Variants in WWOX observed in about 807,000 individuals in gnomAD.
WWOX encodes the protein WW domain containing oxidoreductase.
In WWOX, 69 loss-of-function variants were observed where a neutral mutation model predicts 46.2. The ratio of observed to expected loss-of-function variants is 1.49; its 90% CI spans 1.23 to 1.82. The LOEUF (loss-of-function observed/expected upper bound fraction) is 1.82, where lower values mean the gene tolerates loss of function less well. Ranked by LOEUF, WWOX falls within the 40% of genes most tolerant of loss-of-function variation. The pLI, the probability that WWOX is intolerant of heterozygous loss-of-function variation, is 0.00. For synonymous variants in WWOX, 359 were observed against 202.6 expected, an observed-to-expected ratio of 1.77 and a Z score of -6.56; for missense variants, 919 against 542.6, an observed-to-expected ratio of 1.69 and a Z score of -6.89.
intron 8 of WWOX, among the ~76,000 whole-genome samples, chr16:78,959,451 A>G (rs2046231468): frequency 6.6e-6 from 1 of 152,236 alleles, no homozygotes; most frequent in Non-Finnish European, 1.5e-5. Flanking sequence ...TAATTCAGGT[A>G]TGATAATAAA....
At chr16:78,701,579 C>G (rs1260711303) in intron 8 of WWOX, among the ~76,000 whole-genome samples, 1 of 152,062 alleles carries the variant, frequency 6.6e-6, no homozygotes, top group African/African-American at 2.4e-5. Flanking sequence ...CCGATATACT[C>G]AACATATATC....
chr16:78,829,379 G>A lies in WWOX; in HGVS notation c.1057-382229G>A, dbSNP rs999700224. 7.9e-5 allele frequency among the ~76,000 whole-genome samples: 12 copies of A among 152,140 alleles called. No homozygotes were observed. The East Asian group carries it at 1.9e-3, about 25-fold the overall frequency. On this transcript the variant is annotated intron_variant, in intron 8 of 8. Coordinates refer to ENST00000566780, the MANE Select transcript of WWOX (RefSeq NM_016373.4). ...TCTTACTCAGACTTTTGTTTTATTC[G>A]GGCCTTCAACAGATTAGATGAGATC... is the stretch of plus-strand genomic sequence containing the variant.
chr16:78,418,823 C>A (rs968338960), intron 6 of WWOX, among the ~76,000 whole-genome samples: 1 of 151,986 alleles, frequency 6.6e-6, no homozygotes, highest in Non-Finnish European at 1.5e-5. Context: ...TGCAAAAAAC[C>A]CACAAATGAC....
At chr16:78,880,053 A>G (rs1037755241) in intron 8 of WWOX, among the ~76,000 whole-genome samples, 1 of 152,254 alleles carries the variant, frequency 6.6e-6, no homozygotes, top group Non-Finnish European at 1.5e-5. Flanking sequence ...GAGTGAAAAC[A>G]GAGACATGAT....
chr16:78,513,767 A>C (rs1484546663), intron 8 of WWOX, among the ~76,000 whole-genome samples: 1 of 152,190 alleles, frequency 6.6e-6, no homozygotes, highest in Non-Finnish European at 1.5e-5. Flanking sequence ...AGGGGAGCGA[A>C]TAGTATTTTC....
intron 8 of WWOX, among the ~76,000 whole-genome samples, chr16:78,774,718 C>T (rs1256862339): frequency 6.6e-6 from 1 of 151,916 alleles, no homozygotes; most frequent in East Asian, 1.9e-4. Flanking sequence ...CATGTCCCCA[C>T]CCAACACACA....
At chr16:78,658,576 C>G (rs1005995835) in intron 8 of WWOX, among the ~76,000 whole-genome samples, 4 of 152,302 alleles carry the variant, frequency 2.6e-5, no homozygotes, top group South Asian at 2.1e-4. Flanking sequence ...CCGTGCCTCT[C>G]CTCCAGCCTC....
intron 8 of WWOX, among the ~76,000 whole-genome samples, chr16:78,815,914 C>T (rs577211376): frequency 1.1e-3 from 163 of 152,234 alleles, no homozygotes; most frequent in South Asian, 6.4e-3. Context: ...GAGGTTCTCT[C>T]CCCAACCCAT....
chr16:78,204,289 T>C (rs1174810113), intron 5 of WWOX, among the ~76,000 whole-genome samples: 2 of 152,210 alleles, frequency 1.3e-5, no homozygotes, highest in Non-Finnish European at 2.9e-5. Flanking sequence ...TATGGGTACA[T>C]AGTAGGTGCT....
At chr16:78,570,706 A>G (rs1286418734) in intron 8 of WWOX, among the ~76,000 whole-genome samples, 2 of 152,228 alleles carry the variant, frequency 1.3e-5, no homozygotes, top group Non-Finnish European at 2.9e-5. Flanking sequence ...CCAGGTTTAC[A>G]GAGTGTGCAT....
chr16:78,931,538 G>A lies in WWOX; in HGVS notation c.1057-280070G>A, dbSNP rs1399245835. On this transcript the variant is annotated intron_variant, in intron 8 of 8. Coordinates refer to ENST00000566780, the MANE Select transcript of WWOX (RefSeq NM_016373.4). The stretch of plus-strand genomic sequence containing the variant: ...CTGGGCATGTGCTTGAAGGAGAAAG[G>A]TGAGGATACAAAGGCAATGAGTACA... Among the ~76,000 whole-genome samples, 4 of 152,192 alleles carry A rather than the reference G, an allele frequency of 2.6e-5. No homozygotes were observed. In the East Asian group the frequency reaches 7.7e-4, roughly 29 times the overall value.
chr16:78,213,419 G>A (rs555332559), intron 5 of WWOX, among the ~76,000 whole-genome samples: 2 of 151,814 alleles, frequency 1.3e-5, no homozygotes, highest in Admixed American at 6.6e-5. Context: ...ATTGGTGAAA[G>A]CAAGGCAATG....
At chr16:78,743,313 A>G (rs549150352) in intron 8 of WWOX, among the ~76,000 whole-genome samples, 3 of 152,162 alleles carry the variant, frequency 2.0e-5, no homozygotes, top group African/African-American at 4.8e-5. Context: ...TTGCCAATCT[A>G]GAAAGAAGAC....
At chr16:78,290,080 T>A (rs9934482) in intron 5 of WWOX, among the ~76,000 whole-genome samples, 39,411 of 152,086 alleles carry the variant, frequency 0.26, 5,896 homozygotes, top group African/African-American at 0.38. Context: ...GATTTATATA[T>A]CCCTCTGCAT....
chr16:78,356,502 A>G (rs1224159938), intron 5 of WWOX, among the ~76,000 whole-genome samples: 1 of 152,154 alleles, frequency 6.6e-6, no homozygotes, highest in Non-Finnish European at 1.5e-5. Flanking sequence ...CGCCTACCCT[A>G]GACCTCATCT....
intron 8 of WWOX, among the ~76,000 whole-genome samples, chr16:79,062,871 T>A: frequency 6.6e-6 from 1 of 152,196 alleles, no homozygotes; most frequent in East Asian, 1.9e-4. Context: ...ACATCTGTTT[T>A]AAGTCAACTT....
chr16:78,924,478 C>G (rs1185614582), intron 8 of WWOX, among the ~76,000 whole-genome samples: 3 of 152,156 alleles, frequency 2.0e-5, no homozygotes, highest in Admixed American at 6.5e-5. Flanking sequence ...TAAAACTTGT[C>G]TTCGCTGCAG....
chr16:78,517,966 C>T (rs2043273957), intron 8 of WWOX, among the ~76,000 whole-genome samples: 1 of 149,840 alleles, frequency 6.7e-6, no homozygotes, highest in South Asian at 2.1e-4. Flanking sequence ...TATGTGTGGA[C>T]CACAGAGATG....
chr16:78,762,280 G>A (rs1029105949), intron 8 of WWOX, among the ~76,000 whole-genome samples: 1 of 152,178 alleles, frequency 6.6e-6, no homozygotes, highest in Non-Finnish European at 1.5e-5. Flanking sequence ...CTCAAAGCTT[G>A]GTCCATGAAC....
Sources: gnomAD v4.1 joint callset for allele counts (sites outside exome capture counted in the v4.1 genomes callset) on GRCh38, gnomAD v4.1.1 for gene constraint, MANE v1.5 for transcripts, NCBI Gene and HGNC (gene_info 2026-07-23, HGNC 2026-07-21) for gene names.